Variants in ARNT observed in about 807,000 individuals in gnomAD.
ARNT encodes class E basic helix-loop-helix protein 2.
A neutral mutation model predicts 105.0 loss-of-function variants in ARNT; 30 were observed. The observed-to-expected ratio is 0.29, with a 90% CI of 0.21 to 0.39. The LOEUF (loss-of-function observed/expected upper bound fraction) is 0.39, where lower values mean the gene tolerates loss of function less well. Among genes scored for constraint, ARNT ranks in the 10% least tolerant of loss-of-function variants. ARNT has a pLI of 1.00. For missense variants in ARNT, 748 were observed against 978.7 expected (o/e 0.76, Z 3.15); for synonymous variants, 304 against 344.0 (o/e 0.88, Z 1.29).
At chr1:150,828,942 G>T (rs1190161668) in intron 12 of ARNT, 151 bp downstream of exon 12, 1 of 912,680 alleles carries the variant, frequency 1.1e-6, no homozygotes, top group Non-Finnish European at 1.6e-6. Context: ...CTAATAGGAA[G>T]CTGAAAATAA....
Position 150,816,300 on chromosome 1 carries a change from G to T in ARNT, c.1909C>A (p.Pro637Thr), listed in dbSNP as rs1655866692. The change falls in exon 19 of 22, where the codon CCA becomes ACA. Residue 637 changes from proline (P) to threonine (T), a missense_variant. Coordinates refer to ENST00000358595, the MANE Select transcript of ARNT (RefSeq NM_001668.4). The part of the protein sequence containing the change: ...RHSNPTQGAT[P>T]TWTPTTRSGF... ...GAGCGGGTAGTAGGGGTCCAAGTTG[G>T]GGTTGCTCCTTGGGTGGGGTTGGAG... The T allele has an allele frequency of 6.2e-7, 1 of 1,607,674 alleles. No individual in the cohort carries two copies. Among genetic ancestry groups the T allele is most frequent in the Admixed American group, 1.7e-5 (1 of 57,840 alleles).
At chr1:150,844,209 C>T (rs587684475) in intron 4 of ARNT, among the ~76,000 whole-genome samples, 35 of 152,240 alleles carry the variant, frequency 2.3e-4, no homozygotes, top group African/African-American at 6.3e-4. Context: ...CAATTAGTTT[C>T]GATAAACAAA....
intron 21 of ARNT, 53 bp downstream of exon 21, chr1:150,813,119 T>C: frequency 6.3e-7 from 1 of 1,583,262 alleles, no homozygotes. Flanking sequence ...CTCCTCCTCC[T>C]GGACCCTTTC....
chr1:150,834,120 T>A (rs1352873100), intron 8 of ARNT, among the ~76,000 whole-genome samples: 2 of 152,056 alleles, frequency 1.3e-5, no homozygotes, highest in Non-Finnish European at 2.9e-5. Context: ...TGTTTTTTTT[T>A]AGTAGAGATG....
intron 7 of ARNT, among the ~76,000 whole-genome samples, chr1:150,835,692 A>T (rs957585285): frequency 2.0e-5 from 3 of 152,150 alleles, no homozygotes; most frequent in Admixed American, 2.0e-4. Flanking sequence ...CAGTTTTTTT[A>T]TCTGCTTCCA....
chr1:150,864,780 AT>A (rs1666269263), intron 1 of ARNT, among the ~76,000 whole-genome samples: 4 of 148,358 alleles, frequency 2.7e-5, no homozygotes, highest in South Asian at 2.1e-4. Context: ...AAATAAATAA[AT>A]AAATAAATAA....
Position 150,824,448 on chromosome 1 carries a change from TTTTC to T in ARNT, c.1243-1107_1243-1104del, listed in dbSNP as rs144363361. Among the ~76,000 whole-genome samples the T allele has an allele frequency of 3.6e-3, 550 of 151,198 alleles. 8 individuals are homozygous for T. The highest frequency in any genetic ancestry group is 0.013 in the African/African-American group (519 of 41,234). On this transcript the variant is annotated intron_variant, in intron 13 of 21. Transcript: ENST00000358595. ...CCGAAACCTGAGAACATCTGTTTTC[TTTTC>T]TTTTTCTTTTTTTTTTTTTTTGAGA...
chr1:150,830,448 T>C (rs1343390392), intron 10 of ARNT: 1 of 153,252 alleles, frequency 6.5e-6, no homozygotes, highest in Non-Finnish European at 1.5e-5. Context: ...TAAACAAGTA[T>C]ATAAAACTTA....
intron 1 of ARNT, among the ~76,000 whole-genome samples, 153 bp downstream of exon 1, chr1:150,876,364 ACCCAAGTCCCCGGGATCGGGCCCCTC>A (rs1668258460): frequency 6.6e-6 from 1 of 151,380 alleles, no homozygotes; most frequent in Admixed American, 6.6e-5. Context: ...ACTCGAGTCT[ACCCAAGTCCCCGGGATCGGGCCCCTC>A]CCCAGGTCAC....
intron 8 of ARNT, 44 bp from the exon 9 acceptor site, chr1:150,832,443 A>C: frequency 1.9e-6 from 3 of 1,587,246 alleles, no homozygotes; most frequent in Non-Finnish European, 2.6e-6. Flanking sequence ...AGACTGCCCT[A>C]TCAAAGAACT....
intron 2 of ARNT, among the ~76,000 whole-genome samples, chr1:150,856,007 C>T (rs1360636592): frequency 6.6e-6 from 1 of 152,034 alleles, no homozygotes; most frequent in African/African-American, 2.4e-5. Flanking sequence ...AAAGACTAGG[C>T]CATGTAAAAC....
At chr1:150,831,667 G>A in intron 10 of ARNT, 151 bp downstream of exon 10, 1 of 581,700 alleles carries the variant, frequency 1.7e-6, no homozygotes, top group East Asian at 3.2e-5. Context: ...AATAATGGAA[G>A]GGAAGGATTG....
chr1:150,833,777 T>C (rs1659768421), intron 8 of ARNT, among the ~76,000 whole-genome samples: 1 of 150,202 alleles, frequency 6.7e-6, no homozygotes, highest in African/African-American at 2.4e-5. Flanking sequence ...CTCAAATTTC[T>C]AACCAAAAAA....
intron 1 of ARNT, among the ~76,000 whole-genome samples, chr1:150,867,440 C>T (rs587750789): frequency 2.6e-5 from 4 of 151,084 alleles, no homozygotes; most frequent in African/African-American, 4.9e-5. Context: ...AGTCCAGCTA[C>T]TCAGGTTGCT....
chr1:150,824,900 C>T (rs1045045142), intron 13 of ARNT, among the ~76,000 whole-genome samples: 4 of 151,480 alleles, frequency 2.6e-5, no homozygotes, highest in Non-Finnish European at 4.4e-5. Flanking sequence ...CTTGCTCTAT[C>T]GCCCAGGCTG....
rs587677239 is a variant in ARNT at position 150,814,371 on chromosome 1, A to G, written c.1951-132T>C. The G allele has an allele frequency of 5.7e-6, 5 of 873,998 alleles. No individual in the cohort carries two copies. The East Asian group carries it at 1.4e-4, about 24-fold the overall frequency. 54.1% of individuals were successfully genotyped at this position (873,998 alleles called of 1,614,324 possible). A position where few individuals can be genotyped will look rare whatever the true frequency, so the allele number is the denominator to read the frequency against. On this transcript the variant is annotated intron_variant, in intron 19 of 21. Coordinates refer to ENST00000358595, the MANE Select transcript of ARNT (RefSeq NM_001668.4). ...AAGCTCATCACTTATTTCCTATTGTATATTTCTTCCAATTAACTCTCAATC... is the reference window on the plus strand; with the variant it reads ...AAGCTCATCACTTATTTCCTATTGTGTATTTCTTCCAATTAACTCTCAATC...
intron 13 of ARNT, among the ~76,000 whole-genome samples, chr1:150,824,381 C>T (rs1321612310): frequency 6.6e-6 from 1 of 151,708 alleles, no homozygotes; most frequent in Non-Finnish European, 1.5e-5. Context: ...TTTAAGGACA[C>T]AGAATATAGC....
intron 1 of ARNT, among the ~76,000 whole-genome samples, chr1:150,863,982 T>C (rs1020133930): frequency 2.0e-5 from 3 of 152,118 alleles, no homozygotes; most frequent in Admixed American, 6.6e-5. Context: ...TATCATTGAG[T>C]ATACTTACAC....
At chr1:150,868,422 T>C (rs896269629) in intron 1 of ARNT, among the ~76,000 whole-genome samples, 9 of 151,966 alleles carry the variant, frequency 5.9e-5, no homozygotes, top group Admixed American at 2.0e-4. Context: ...GAACAATCAG[T>C]GATAAAGACC....
Sources: gnomAD v4.1 joint callset for allele counts (sites outside exome capture counted in the v4.1 genomes callset) on GRCh38, gnomAD v4.1.1 for gene constraint, MANE v1.5 for transcripts, NCBI Gene and HGNC (gene_info 2026-07-23, HGNC 2026-07-21) for gene names.